Variants in SPTAN1 observed in about 807,000 individuals in gnomAD.
SPTAN1 encodes spectrin alpha chain, non-erythrocytic 1.
A neutral mutation model predicts 331.3 loss-of-function variants in SPTAN1; 61 were observed. The ratio of observed to expected loss-of-function variants is 0.18; its 90% CI spans 0.15 to 0.23. The LOEUF is 0.23. Ranked by LOEUF, SPTAN1 falls within the 10% of genes least tolerant of loss-of-function variation. The pLI, the probability that SPTAN1 is intolerant of heterozygous loss-of-function variation, is 1.00. For synonymous variants in SPTAN1, 1,153 were observed against 1,173.9 expected (o/e 0.98, Z 0.36); for missense variants, 2,043 against 3,147.9 (o/e 0.65, Z 8.40).
At chr9:128,605,603 G>T (rs894709290) in intron 31 of SPTAN1, 126 bp downstream of exon 31, 18 of 1,263,162 alleles carry the variant, frequency 1.4e-5, no homozygotes, top group Middle Eastern at 2.6e-4. Context: ...AAGCACTTTG[G>T]GGGGCCAAGG....
At chr9:128,595,114 T>G (rs1435810184) in intron 24 of SPTAN1, among the ~76,000 whole-genome samples, 1 of 148,780 alleles carries the variant, frequency 6.7e-6, no homozygotes, top group Admixed American at 6.7e-5. Context: ...CCGGCCTCAG[T>G]TTTTTTTTTG....
chr9:128,613,501 C>T lies in SPTAN1; in HGVS notation c.5148+16C>T, dbSNP rs765477570. On this transcript the variant is annotated intron_variant, in intron 40 of 56. Transcript: ENST00000372739. ...TGCCCATGAGGTAAGCAAAGGGAGG[C>T]GGGCCAGGCCCGAGTGCCTGGGACA... The T allele has an allele frequency of 8.7e-6, 14 of 1,607,558 alleles. No individual in the cohort carries two copies. The highest frequency in any genetic ancestry group is 3.6e-4 in the Middle Eastern group (2 of 5,594).
At chr9:128,555,232 A>G in intron 1 of SPTAN1, 2 of 686,914 alleles carry the variant, frequency 2.9e-6, no homozygotes, top group Non-Finnish European at 4.3e-6. Flanking sequence ...CTGAAAAAAT[A>G]TCTGAAATTG....
In SPTAN1 at chr9:128,566,988, T is replaced by G. The variant is rs768283186; in HGVS notation, c.237+11T>G. On this transcript the variant is annotated intron_variant, in intron 2 of 56. Transcript: ENST00000372739. The stretch of plus-strand genomic sequence containing the variant: ...CCAACCAACTTGCAGGTACGTCTGA[T>G]CTCCTGGGATTCCTGCCAAAATTCA... 555 of 1,613,736 alleles carry G rather than the reference T, an allele frequency of 3.4e-4. No homozygotes were observed. Among genetic ancestry groups the G allele is most frequent in the Non-Finnish European group, 1.9e-5 (23 of 1,180,026 alleles).
chr9:128,589,811 G>A (rs1021834555), intron 21 of SPTAN1, among the ~76,000 whole-genome samples: 9 of 151,614 alleles, frequency 5.9e-5, no homozygotes, highest in African/African-American at 1.7e-4. Context: ...TCCTGACCTC[G>A]TGATCCACCC....
At chr9:128,624,831 G>C in intron 46 of SPTAN1, 2 of 577,238 alleles carry the variant, frequency 3.5e-6, no homozygotes, top group Non-Finnish European at 6.2e-6. Context: ...CTGGGTGAGG[G>C]AAAACTGGGT....
At chr9:128,583,691 C>G in intron 15 of SPTAN1, 97 bp from the exon 16 acceptor site, 1 of 1,289,810 alleles carries the variant, frequency 7.8e-7, no homozygotes. Flanking sequence ...AAAATTCTGA[C>G]CTGTATAGTC....
chr9:128,578,207 G>T lies in SPTAN1; in HGVS notation c.1183G>T (p.Gly395Trp). The T allele has an allele frequency of 6.2e-7, 1 of 1,614,152 alleles. No individual in the cohort carries two copies. Among genetic ancestry groups the T allele is most frequent in the Non-Finnish European group, 8.5e-7 (1 of 1,180,038 alleles). The change falls in exon 9 of 57, where the codon GGG (glycine) becomes TGG (tryptophan). Residue 395 changes from glycine (G) to tryptophan (W), a missense_variant. Gly to Trp is a radical substitution (Grantham distance 184). This residue lies in a region of SPTAN1 where 1,038 missense variants were observed against 1,531.5 expected (regional missense o/e 0.68). Transcript: ENST00000372739. ...NADELASDVA[G>W]AEALLDRHQE... ...AGATGAGCTTGCCAGTGATGTGGCT[G>T]GGGCTGAAGCCCTGCTAGATAGACA...
chr9:128,581,159 T>C, intron 11 of SPTAN1, 100 bp downstream of exon 11: 1 of 1,494,348 alleles, frequency 6.7e-7, no homozygotes, highest in Non-Finnish European at 9.2e-7. Context: ...ATCAGTACCA[T>C]GTTAGTTCTG....
Position 128,626,320 on chromosome 9 carries a change from C to T in SPTAN1, c.6280-71C>T, listed in dbSNP as rs1042488048. 8.9e-6 allele frequency: 14 copies of T among 1,581,470 alleles called. 1 individual carries two copies. The South Asian group carries it at 1.3e-4, about 15-fold the overall frequency. On this transcript the variant is annotated intron_variant, in intron 48 of 56. Coordinates refer to ENST00000372739, the MANE Select transcript of SPTAN1 (RefSeq NM_001130438.3). Reference sequence around the variant, plus strand: ...TCTGATTCCCAGGAACCACCCCGCACCCCACCTCCTGCACTGCGTCGGCAC... The same window carrying T: ...TCTGATTCCCAGGAACCACCCCGCATCCCACCTCCTGCACTGCGTCGGCAC...
intron 26 of SPTAN1, 141 bp downstream of exon 26, chr9:128,599,127 C>A: frequency 2.3e-6 from 2 of 875,192 alleles, no homozygotes; most frequent in Non-Finnish European, 3.9e-6. Flanking sequence ...TTGTGGAAAA[C>A]TCCAAAAATT....
At chr9:128,620,551 T>C (rs1042097885) in intron 44 of SPTAN1, among the ~76,000 whole-genome samples, 1 of 152,094 alleles carries the variant, frequency 6.6e-6, no homozygotes, top group Non-Finnish European at 1.5e-5. Flanking sequence ...ACCCCGTCTG[T>C]ACTAAAAACT....
chr9:128,573,389 G>A (rs566298255), intron 3 of SPTAN1, among the ~76,000 whole-genome samples: 1 of 152,314 alleles, frequency 6.6e-6, no homozygotes, highest in South Asian at 2.1e-4. Context: ...TTTCACAGAA[G>A]GTCCAAAGTT....
At chr9:128,628,074 C>G (rs1859056663) in intron 51 of SPTAN1, 132 bp downstream of exon 51, 2 of 1,108,222 alleles carry the variant, frequency 1.8e-6, no homozygotes, top group Non-Finnish European at 2.8e-6. Flanking sequence ...CCCCTCCCAC[C>G]CTTCTCGTCA....
intron 41 of SPTAN1, 29 bp downstream of exon 41, chr9:128,615,869 C>A (rs1345137537): frequency 1.9e-6 from 3 of 1,611,158 alleles, no homozygotes; most frequent in East Asian, 2.2e-5. Flanking sequence ...CTAGAAGGCC[C>A]CTTACGCCTG....
chr9:128,584,847 A>G lies in SPTAN1; in HGVS notation c.2560+4A>G. 1.9e-6 allele frequency: 3 copies of G among 1,614,152 alleles called. No individual in the cohort carries two copies. Among genetic ancestry groups the G allele is most frequent in the Non-Finnish European group, 2.5e-6 (3 of 1,180,022 alleles). The stretch of plus-strand genomic sequence containing the variant: ...GGGAATGCCATGGTGGAGGAAGGTG[A>G]GTGATTGGTATCAGTGACATGGCTT... On this transcript the variant is annotated splice_donor_region_variant and intron_variant, in intron 18 of 56. Transcript: ENST00000372739.
chr9:128,574,458 A>G (rs1304405732), intron 3 of SPTAN1, among the ~76,000 whole-genome samples: 2 of 151,888 alleles, frequency 1.3e-5, no homozygotes, highest in Non-Finnish European at 2.9e-5. Context: ...AGATCTACCT[A>G]CTTGTAACTT....
At chr9:128,623,819 C>G (rs1426558449) in intron 45 of SPTAN1, among the ~76,000 whole-genome samples, 1 of 151,734 alleles carries the variant, frequency 6.6e-6, no homozygotes, top group Non-Finnish European at 1.5e-5. Context: ...GGCACTATGG[C>G]TCACACCTGT....
At chr9:128,624,870 T>C in intron 46 of SPTAN1, 1 of 613,076 alleles carries the variant, frequency 1.6e-6, no homozygotes, top group Non-Finnish European at 2.9e-6. Flanking sequence ...GTGTCCTGGG[T>C]AGTAGTAATA....
Sources: gnomAD v4.1 joint callset for allele counts (sites outside exome capture counted in the v4.1 genomes callset) on GRCh38, gnomAD v4.1.1 for gene constraint, gnomAD v4.1.1 regional missense constraint, MANE v1.5 for transcripts, NCBI Gene and HGNC (gene_info 2026-07-23, HGNC 2026-07-21) for gene names.